OR2I1: variants seen among roughly 807,000 people sequenced by gnomAD.
OR2I1 encodes the protein putative olfactory receptor 2I1.
chr6:29,554,948 G>A, the OR2I1 span: 1 of 152,266 alleles, frequency 6.6e-6, no homozygotes, highest in African/African-American at 2.4e-5. Context: ...AAAAAAAGAA[G>A]AGAGGAAAAT....
At chr6:29,556,153 G>T in the OR2I1 span, 2 of 1,612,992 alleles carry the variant, frequency 1.2e-6, no homozygotes, top group African/African-American at 1.3e-5. Context: ...TCAGGGTAAG[G>T]TGGATGGTCT....
the OR2I1 span, chr6:29,555,696 T>C: frequency 1.7e-6 from 1 of 579,144 alleles, no homozygotes; most frequent in Non-Finnish European, 3.0e-6. Flanking sequence ...CTTAATTAAT[T>C]GTGTTAGAAT....
At chr6:29,556,372 A>G in the OR2I1 span, 1 of 1,587,924 alleles carries the variant, frequency 6.3e-7, no homozygotes, top group Non-Finnish European at 8.6e-7. Context: ...AAGCCACAAG[A>G]CAGTTACCTA....
the OR2I1 span, chr6:29,555,828 A>G: frequency 7.0e-7 from 1 of 1,425,918 alleles, no homozygotes; most frequent in Non-Finnish European, 9.8e-7. Flanking sequence ...TGAGTAAGAG[A>G]TTAAAAGAAA....
the OR2I1 span, among the ~76,000 whole-genome samples, chr6:29,551,655 C>CAAT: frequency 0.026 from 3,947 of 152,346 alleles, 141 homozygotes; most frequent in African/African-American, 0.075. Flanking sequence ...TAAAGGATGA[C>CAAT]AGTTAACAAC....
the OR2I1 span, among the ~76,000 whole-genome samples, chr6:29,551,370 C>T: frequency 1.3e-5 from 2 of 152,198 alleles, no homozygotes; most frequent in African/African-American, 2.4e-5. Context: ...GTTGATCAAA[C>T]AGGAAGGACC....
At chr6:29,557,344 A>T in the OR2I1 span, 4 of 152,244 alleles carry the variant, frequency 2.6e-5, no homozygotes, top group Non-Finnish European at 5.9e-5. Flanking sequence ...TTAATTGGAC[A>T]AAAGACTGAT....
chr6:29,554,335 T>A, the OR2I1 span: 1 of 387,858 alleles, frequency 2.6e-6, no homozygotes, highest in Non-Finnish European at 4.5e-6. Flanking sequence ...TGTTTAGTTC[T>A]TGAGGGAAAA....
the OR2I1 span, chr6:29,553,201 A>G: frequency 2.5e-6 from 1 of 398,498 alleles, no homozygotes; most frequent in Non-Finnish European, 4.4e-6. Flanking sequence ...CCTTCCAAAC[A>G]TTCTGGGAGT....
the OR2I1 span, chr6:29,552,735 C>T: frequency 6.6e-6 from 1 of 152,540 alleles, no homozygotes; most frequent in Non-Finnish European, 1.5e-5. Context: ...ATGAGGAAGT[C>T]CTAGTTACTA....
the OR2I1 span, chr6:29,557,078 T>C: frequency 6.6e-6 from 1 of 152,212 alleles, no homozygotes; most frequent in Admixed American, 6.5e-5. Flanking sequence ...ATTATAAGAC[T>C]GAGAGAATGG....
chr6:29,555,864 C>A, the OR2I1 span: 1 of 1,602,516 alleles, frequency 6.2e-7, no homozygotes, highest in Non-Finnish European at 8.5e-7. Context: ...CTGCCAACAC[C>A]CCATGCCCAG....
chr6:29,556,114 C>A, the OR2I1 span: 1 of 1,613,146 alleles, frequency 6.2e-7, no homozygotes, highest in Non-Finnish European at 8.5e-7. Context: ...GAAACAAGGG[C>A]AGCTCCTCAT....
chr6:29,555,806 A>G, the OR2I1 span: 3 of 1,215,866 alleles, frequency 2.5e-6, no homozygotes, highest in Non-Finnish European at 3.5e-6. Context: ...AATCATCAGA[A>G]GATGTGTTCG....
the OR2I1 span, chr6:29,553,300 G>T: frequency 2.5e-6 from 1 of 399,342 alleles, no homozygotes; most frequent in Non-Finnish European, 4.4e-6. Flanking sequence ...GGTCCTCTTC[G>T]CCCTTGTCCT....
At chr6:29,557,275 C>T in the OR2I1 span, 1 of 152,190 alleles carries the variant, frequency 6.6e-6, no homozygotes, top group African/African-American at 2.4e-5. Context: ...TTACAGCTCA[C>T]CCTGTGTTGG....
chr6:29,557,102 A>C, the OR2I1 span: 1 of 152,250 alleles, frequency 6.6e-6, no homozygotes, highest in African/African-American at 2.4e-5. Flanking sequence ...CTTTGTGGCA[A>C]TAAGATAGCA....
the OR2I1 span, chr6:29,556,401 C>T: frequency 3.6e-6 from 5 of 1,382,606 alleles, no homozygotes; most frequent in Non-Finnish European, 5.0e-6. Context: ...GCCTCCTTTA[C>T]ACTTCTACTC....
the OR2I1 span, chr6:29,554,561 C>T: frequency 7.8e-4 from 124 of 158,892 alleles, no homozygotes; most frequent in African/African-American, 2.3e-3. Context: ...CCAGAAAAAG[C>T]GACCATGGAC....
Sources: allele counts gnomAD v4.1 joint callset (sites outside exome capture counted in the v4.1 genomes callset), GRCh38; gene constraint gnomAD v4.1.1; transcripts MANE v1.5; gene names NCBI Gene and HGNC (gene_info 2026-07-23, HGNC 2026-07-21).